Variants in GPHN observed in about 807,000 individuals in gnomAD.
The protein encoded by GPHN is gephyrin.
Under a neutral mutation model 95.5 loss-of-function variants are expected in GPHN, and 17 were observed. The observed-to-expected ratio is 0.18, with a 90% CI of 0.12 to 0.27. GPHN has a LOEUF of 0.27. Among genes scored for constraint, GPHN ranks in the 10% least tolerant of loss-of-function variants. The probability of loss-of-function intolerance (pLI) is 1.00; values close to 1 mark genes in which losing one functional copy is unlikely to be tolerated. For missense variants in GPHN, 660 were observed against 978.1 expected, an observed-to-expected ratio of 0.67 and a Z score of 4.34; for synonymous variants, 320 against 322.5, an observed-to-expected ratio of 0.99 and a Z score of 0.08.
the GPHN span, among the ~76,000 whole-genome samples, chr14:67,610,100 G>A: frequency 1.3e-5 from 2 of 151,336 alleles, no homozygotes; most frequent in South Asian, 4.2e-4. Context: ...TGCTTCGAGG[G>A]TTGCCAGCGG....
chr14:67,162,761 A>T (rs1360257949), intron 19 of GPHN, among the ~76,000 whole-genome samples: 1 of 152,226 alleles, frequency 6.6e-6, no homozygotes, highest in Admixed American at 6.5e-5. Context: ...TAGCCAAAAT[A>T]GATGTCCAAA....
At chr14:66,584,217 G>C (rs1450954660) in intron 1 of GPHN, among the ~76,000 whole-genome samples, 1 of 152,120 alleles carries the variant, frequency 6.6e-6, no homozygotes, top group African/African-American at 2.4e-5. Context: ...GAATGCTTGT[G>C]ATTTTTTGCA....
Position 66,614,922 on chromosome 14 carries a change from T to C in GPHN, c.65-66185T>C, listed in dbSNP as rs1462085780. 3.9e-5 allele frequency among the ~76,000 whole-genome samples: 6 copies of C among 152,182 alleles called. No homozygotes were observed. The East Asian group carries it at 1.2e-3, about 29-fold the overall frequency. The stretch of plus-strand genomic sequence containing the variant: ...TGTTATTCTCCTCTCTGGGTCCATG[T>C]GTTCTCACTGTTCAACTCCCACTTA... On this transcript the variant is annotated intron_variant, in intron 1 of 22. Coordinates refer to ENST00000478722, the MANE Select transcript of GPHN (RefSeq NM_020806.5).
intron 9 of GPHN, among the ~76,000 whole-genome samples, chr14:66,978,532 GAA>G (rs1040581545): frequency 1.3e-5 from 2 of 152,168 alleles, no homozygotes; most frequent in African/African-American, 4.8e-5. Context: ...TGTCATCTGT[GAA>G]AGTTTTATCA....
chr14:66,700,317 C>A lies in GPHN; in HGVS notation c.143+19132C>A, dbSNP rs771394561. Among the ~76,000 whole-genome samples the A allele has an allele frequency of 1.6e-4, 24 of 152,098 alleles. 1 individual carries two copies. The highest frequency in any genetic ancestry group is 2.9e-4 in the Non-Finnish European group (20 of 68,020). ...TTTAACGAATATTTTATTTTTGACA[C>A]ACATACTGGAATTTCTAAACTGTGT... On this transcript the variant is annotated intron_variant, in intron 2 of 22. Coordinates refer to ENST00000478722, the MANE Select transcript of GPHN (RefSeq NM_020806.5).
chr14:66,687,522 C>T (rs2067464038), intron 2 of GPHN, among the ~76,000 whole-genome samples: 1 of 121,586 alleles, frequency 8.2e-6, no homozygotes, highest in Admixed American at 9.8e-5. Flanking sequence ...GAGTTTCGCT[C>T]TTGTTGCTCA....
the GPHN span, among the ~76,000 whole-genome samples, chr14:67,701,073 A>T: frequency 2.0e-5 from 3 of 151,682 alleles, no homozygotes; most frequent in Non-Finnish European, 4.4e-5. Flanking sequence ...GTTGACAAAA[A>T]GGTTGAAGGA....
chr14:67,500,356 C>G, the GPHN span, among the ~76,000 whole-genome samples: 27 of 151,666 alleles, frequency 1.8e-4, no homozygotes, highest in African/African-American at 6.3e-4. Context: ...CGCCTGTAAT[C>G]CCAGCTACTC....
chr14:67,534,592 C>T, the GPHN span, among the ~76,000 whole-genome samples: 1 of 152,054 alleles, frequency 6.6e-6, no homozygotes, highest in Admixed American at 6.5e-5. Flanking sequence ...AAATTCCTAA[C>T]GTATGGTTCA....
chr14:67,266,207 T>C, the GPHN span, among the ~76,000 whole-genome samples: 14 of 152,306 alleles, frequency 9.2e-5, no homozygotes, highest in African/African-American at 2.6e-4. Flanking sequence ...TAAAAGTCTT[T>C]TTAGTTCTGT....
chr14:67,672,447 C>CTTTTT, the GPHN span, among the ~76,000 whole-genome samples: 13 of 116,826 alleles, frequency 1.1e-4, no homozygotes, highest in South Asian at 2.9e-4. Flanking sequence ...CTTTTCTTTT[C>CTTTTT]TTTTTTTTTT....
chr14:66,701,505 G>A (rs188646231), intron 2 of GPHN, among the ~76,000 whole-genome samples: 6 of 152,300 alleles, frequency 3.9e-5, no homozygotes, highest in African/African-American at 1.4e-4. Flanking sequence ...TGGCTGGTGT[G>A]ATCCACGGAG....
the GPHN span, among the ~76,000 whole-genome samples, chr14:67,601,681 T>A: frequency 1.3e-5 from 2 of 152,058 alleles, no homozygotes; most frequent in Non-Finnish European, 2.9e-5. Context: ...GGAGGGCAGA[T>A]CACTTGGGTC....
intron 2 of GPHN, chr14:66,760,755 G>T (rs1056459403): frequency 2.6e-5 from 12 of 470,030 alleles, no homozygotes; most frequent in African/African-American, 2.0e-4. Flanking sequence ...GAAAAACATA[G>T]AAATGAACCT....
chr14:67,058,601 A>C (rs868557888), intron 10 of GPHN, 48 bp from the exon 11 acceptor site: 3 of 1,541,462 alleles, frequency 1.9e-6, no homozygotes, highest in South Asian at 2.2e-5. Context: ...GCCACTTTTT[A>C]ATCAGTGTTA....
the GPHN span, chr14:67,198,144 T>A: frequency 6.2e-7 from 1 of 1,600,138 alleles, no homozygotes; most frequent in African/African-American, 1.3e-5. Context: ...AGTTTTTTTA[T>A]GTTTATGTGC....
Position 66,560,414 on chromosome 14 carries a change from A to C in GPHN, c.64+51823A>C, listed in dbSNP as rs371151311. The stretch of plus-strand genomic sequence containing the variant: ...ATTTGTTTGTATCCTCTTTTATTTC[A>C]TTGAGCAGTGGTTTGTAGTTCTCCT... On this transcript the variant is annotated intron_variant, in intron 1 of 22. Coordinates refer to ENST00000478722, the MANE Select transcript of GPHN (RefSeq NM_020806.5). 4.6e-3 allele frequency among the ~76,000 whole-genome samples: 703 copies of C among 151,970 alleles called. 20 individuals carry two copies. The highest frequency in any genetic ancestry group is 0.036 in the Admixed American group (548 of 15,256).
intron 1 of GPHN, among the ~76,000 whole-genome samples, chr14:66,642,809 A>G (rs532586042): frequency 3.0e-4 from 46 of 152,196 alleles, no homozygotes; most frequent in South Asian, 1.0e-3. Flanking sequence ...CTTATAGAAA[A>G]TATGCTTATT....
the GPHN span, chr14:67,562,798 G>A: frequency 3.1e-6 from 5 of 1,613,798 alleles, no homozygotes; most frequent in South Asian, 5.5e-5. Flanking sequence ...GGAAGAATGA[G>A]GAAAGAGAGA....
Sources: allele counts gnomAD v4.1 joint callset (sites outside exome capture counted in the v4.1 genomes callset), GRCh38; gene constraint gnomAD v4.1.1; transcripts MANE v1.5; gene names NCBI Gene and HGNC (gene_info 2026-07-23, HGNC 2026-07-21).